The following COP1 variants were observed in gnomAD, a reference collection of about 807,000 sequenced individuals.
COP1 encodes E3 ubiquitin-protein ligase COP1.
COP1 carries 24 observed loss-of-function variants against 101.3 expected under a neutral mutation model. The ratio of observed to expected loss-of-function variants is 0.24; its 90% CI spans 0.17 to 0.33. The LOEUF (loss-of-function observed/expected upper bound fraction) is 0.33. Ranked by LOEUF, COP1 falls within the 10% of genes least tolerant of loss-of-function variation. The pLI is 1.00. For missense variants in COP1, 663 were observed against 906.2 expected (o/e 0.73, Z 3.45); for synonymous variants, 347 against 341.9 (o/e 1.01, Z -0.17).
At chr1:175,978,868 A>G (rs181140270) in intron 18 of COP1, among the ~76,000 whole-genome samples, 6 of 152,334 alleles carry the variant, frequency 3.9e-5, no homozygotes, top group East Asian at 1.9e-4. Context: ...AAACACCTTT[A>G]TAAGTGTGGA....
rs142600567 is a variant in COP1 at position 176,171,909 on chromosome 1, C to T, written c.565+4001G>A. On this transcript the variant is annotated intron_variant, in intron 3 of 19. Coordinates refer to ENST00000367669, the MANE Select transcript of COP1 (RefSeq NM_022457.7). ...TTTCTGGTATTGAATAAAAAGCTTA[C>T]TTATATATTTTTAAATCAATATTTA... is the stretch of plus-strand genomic sequence containing the variant. Among the ~76,000 whole-genome samples the T allele has an allele frequency of 2.6e-3, 399 of 152,238 alleles. 3 individuals carry two copies. The highest frequency in any genetic ancestry group is 9.2e-3 in the African/African-American group (381 of 41,556).
intron 9 of COP1, among the ~76,000 whole-genome samples, chr1:176,113,410 CTGTT>C (rs1340850738): frequency 1.3e-5 from 2 of 152,116 alleles, no homozygotes; most frequent in Non-Finnish European, 2.9e-5. Context: ...TGCAATCAAA[CTGTT>C]TGAGTCCATT....
intron 14 of COP1, among the ~76,000 whole-genome samples, chr1:176,032,968 C>T (rs1488788617): frequency 1.3e-5 from 2 of 152,062 alleles, no homozygotes; most frequent in African/African-American, 2.4e-5. Flanking sequence ...ATTATAATAA[C>T]TGTTATCATA....
chr1:176,016,554 T>C (rs1275961381), intron 15 of COP1, among the ~76,000 whole-genome samples: 1 of 152,118 alleles, frequency 6.6e-6, no homozygotes, highest in African/African-American at 2.4e-5. Context: ...CTCTTTCTTC[T>C]CCTTCTCTGT....
At chr1:176,133,110 C>T (rs1455304718) in intron 8 of COP1, among the ~76,000 whole-genome samples, 1 of 147,350 alleles carries the variant, frequency 6.8e-6, no homozygotes, top group Non-Finnish European at 1.5e-5. Context: ...CACATATGTA[C>T]GTATATATAC....
chr1:176,150,534 T>G (rs191560723), intron 5 of COP1, among the ~76,000 whole-genome samples: 213 of 152,290 alleles, frequency 1.4e-3, no homozygotes, highest in Non-Finnish European at 2.3e-3. Flanking sequence ...CCTTCCACAT[T>G]GTTTGTGGGA....
intron 1 of COP1, among the ~76,000 whole-genome samples, chr1:176,188,779 C>A (rs1698773755): frequency 6.6e-6 from 1 of 151,878 alleles, no homozygotes; most frequent in Non-Finnish European, 1.5e-5. Flanking sequence ...TATTTCCCCC[C>A]TCTCTTCCTC....
chr1:176,087,273 T>TA (rs966099663), intron 9 of COP1, among the ~76,000 whole-genome samples: 2 of 152,132 alleles, frequency 1.3e-5, no homozygotes, highest in African/African-American at 4.8e-5. Context: ...CTAATTAAAC[T>TA]AAAGAGCTTC....
At chr1:175,972,718 G>A (rs574834782) in intron 18 of COP1, among the ~76,000 whole-genome samples, 9 of 150,232 alleles carry the variant, frequency 6.0e-5, no homozygotes, top group Non-Finnish European at 8.9e-5. Flanking sequence ...TGCCCGCCTC[G>A]ACCTCCCAAA....
intron 9 of COP1, among the ~76,000 whole-genome samples, chr1:176,106,570 G>C (rs111852306): frequency 9.3e-4 from 141 of 152,278 alleles, no homozygotes; most frequent in Admixed American, 2.7e-3. Flanking sequence ...GCAACACCCA[G>C]ATTGATTAAC....
At position 176,162,344 on chromosome 1, in the gene COP1, T is replaced by C. The variant is rs148385881; in HGVS notation, c.762+525A>G. Among the ~76,000 whole-genome samples, 257 of 152,350 alleles carry C rather than the reference T, an allele frequency of 1.7e-3. 1 individual carries two copies. Among genetic ancestry groups the C allele is most frequent in the African/African-American group, 5.9e-3 (246 of 41,588 alleles). ...AATTCCCAATACTTGCAATTTCACA[T>C]TTTACGTCTTTAACAGTTACGTAAA... On this transcript the variant is annotated intron_variant, in intron 5 of 19. Transcript: ENST00000367669.
rs139771546 is a variant in COP1 at position 175,983,314 on chromosome 1, G to A, written c.2133+3629C>T. 3.1e-3 allele frequency among the ~76,000 whole-genome samples: 469 copies of A among 152,244 alleles called. 2 individuals carry two copies. Among genetic ancestry groups the A allele is most frequent in the African/African-American group, 0.01 (436 of 41,570 alleles). On this transcript the variant is annotated intron_variant, in intron 18 of 19. Coordinates refer to ENST00000367669, the MANE Select transcript of COP1 (RefSeq NM_022457.7). Reference sequence around the variant, plus strand: ...TGACTCATGGGGGCAAGTCTTTCCCGAACTGTTCTCGTGACAGTGAATAAG... The same window carrying A: ...TGACTCATGGGGGCAAGTCTTTCCCAAACTGTTCTCGTGACAGTGAATAAG...
At chr1:175,945,206 T>TC (rs1412177425) in intron 19 of COP1, 36 bp from the exon 20 acceptor site, 1 of 1,452,124 alleles carries the variant, frequency 6.9e-7, no homozygotes, top group Non-Finnish European at 9.5e-7. Flanking sequence ...TTTAATAAAA[T>TC]CATTTAAGAT....
rs144575224 is a variant in COP1 at position 176,041,121 on chromosome 1, T to C, written c.1612+2065A>G. On this transcript the variant is annotated intron_variant, in intron 14 of 19. Transcript: ENST00000367669. ...TTCGTTAAGAGATTTTAGTATACAA[T>C]AGAAATTAAATACAATGCAGCACAT... 2.3e-3 allele frequency among the ~76,000 whole-genome samples: 349 copies of C among 152,238 alleles called. 13 individuals are homozygous for C. The East Asian group carries it at 0.063, about 28-fold the overall frequency.
intron 18 of COP1, among the ~76,000 whole-genome samples, chr1:175,958,392 C>T (rs888708953): frequency 6.6e-5 from 10 of 151,818 alleles, no homozygotes; most frequent in African/African-American, 9.7e-5. Context: ...ATATCAAAGC[C>T]ATTTCAGCTA....
intron 11 of COP1, among the ~76,000 whole-genome samples, chr1:176,076,512 T>C (rs745872204): frequency 3.3e-5 from 5 of 149,712 alleles, no homozygotes; most frequent in South Asian, 2.2e-4. Flanking sequence ...AATGCCTTCA[T>C]CAAGAGGTTA....
chr1:176,056,095 C>A (rs374362996), intron 11 of COP1, among the ~76,000 whole-genome samples: 12 of 151,978 alleles, frequency 7.9e-5, no homozygotes, highest in Admixed American at 5.9e-4. Flanking sequence ...ATTAAATTTC[C>A]GTGTGGTATA....
At chr1:176,116,553 C>A in intron 9 of COP1, 71 bp downstream of exon 9, 1 of 1,282,770 alleles carries the variant, frequency 7.8e-7, no homozygotes, top group Non-Finnish European at 1.1e-6. Context: ...TTTTAGTAAA[C>A]TAATCTATGA....
intron 3 of COP1, among the ~76,000 whole-genome samples, chr1:176,169,527 C>T (rs141098732): frequency 1.2e-3 from 177 of 150,818 alleles, no homozygotes; most frequent in African/African-American, 4.2e-3. Context: ...TTTGGTTTCC[C>T]AATATACATA....
Sources: gnomAD v4.1 joint callset for allele counts (sites outside exome capture counted in the v4.1 genomes callset) on GRCh38, gnomAD v4.1.1 for gene constraint, MANE v1.5 for transcripts, NCBI Gene and HGNC (gene_info 2026-07-23, HGNC 2026-07-21) for gene names.